The following LUZP2 variants were observed in gnomAD, a reference collection of about 807,000 sequenced individuals.
The protein encoded by LUZP2 is leucine zipper protein 2.
LUZP2 carries 52 observed loss-of-function variants against 51.6 expected under a neutral mutation model. The ratio of observed to expected loss-of-function variants is 1.01; its 90% CI spans 0.81 to 1.27. LUZP2 has a LOEUF of 1.27. LUZP2 is among the 50% of genes most tolerant of loss of function. LUZP2 has a pLI of 0.00. For missense variants in LUZP2, 436 were observed against 395.4 expected (o/e 1.10, Z -0.87); for synonymous variants, 154 against 137.3 (o/e 1.12, Z -0.85).
chr11:24,695,879 T>C (rs1270947987), intron 1 of LUZP2, among the ~76,000 whole-genome samples: 1 of 151,252 alleles, frequency 6.6e-6, no homozygotes, highest in Non-Finnish European at 1.5e-5. Flanking sequence ...AATATGCATA[T>C]ACTTTTCTAA....
intron 9 of LUZP2, among the ~76,000 whole-genome samples, chr11:25,011,382 T>G (rs770399490): frequency 3.3e-5 from 5 of 152,142 alleles, no homozygotes; most frequent in Admixed American, 6.6e-5. Flanking sequence ...CAAGAACATT[T>G]TTATGCTCTT....
chr11:25,079,652 G>A lies in LUZP2; in HGVS notation c.*994G>A, dbSNP rs907295272. The A allele has an allele frequency of 4.6e-5, 7 of 152,126 alleles. No individual in the cohort carries two copies. The highest frequency in any genetic ancestry group is 8.8e-5 in the Non-Finnish European group (6 of 67,976). The allele number at this position is 152,126 out of a possible 1,614,324, so 9.4% of individuals were successfully genotyped here. ...TCACTAATCAAAAAAATGCACTCAT[G>A]AATAATTGGAAGATAGCTCACAAGC... On this transcript the variant is annotated 3_prime_UTR_variant, in exon 12 of 12. Coordinates refer to ENST00000336930, the MANE Select transcript of LUZP2 (RefSeq NM_001009909.4).
At chr11:24,838,265 T>C (rs1385071458) in intron 5 of LUZP2, among the ~76,000 whole-genome samples, 2 of 151,706 alleles carry the variant, frequency 1.3e-5, no homozygotes, top group Non-Finnish European at 3.0e-5. Context: ...CAATAATTTA[T>C]GTTTTATGGC....
intron 7 of LUZP2, among the ~76,000 whole-genome samples, chr11:24,960,871 C>T (rs1855373747): frequency 6.6e-6 from 1 of 151,978 alleles, no homozygotes. Flanking sequence ...CCTGCTTTCT[C>T]TTGTGGGCAT....
chr11:24,729,668 C>T (rs1383639263), intron 2 of LUZP2, among the ~76,000 whole-genome samples: 1 of 151,856 alleles, frequency 6.6e-6, no homozygotes, highest in Non-Finnish European at 1.5e-5. Flanking sequence ...CTTTAATAAA[C>T]CACATTACTG....
At chr11:24,715,546 A>G (rs1858010728) in intron 1 of LUZP2, among the ~76,000 whole-genome samples, 1 of 152,026 alleles carries the variant, frequency 6.6e-6, no homozygotes, top group Non-Finnish European at 1.5e-5. Context: ...TCACATCTAC[A>G]TTGTCATTAC....
At chr11:24,588,563 A>C (rs1853149927) in intron 1 of LUZP2, among the ~76,000 whole-genome samples, 1 of 152,126 alleles carries the variant, frequency 6.6e-6, no homozygotes, top group Non-Finnish European at 1.5e-5. Context: ...CATCAGGGAA[A>C]TAATTCAGCC....
At chr11:24,899,485 A>T (rs577571179) in intron 5 of LUZP2, among the ~76,000 whole-genome samples, 30 of 152,228 alleles carry the variant, frequency 2.0e-4, no homozygotes, top group African/African-American at 7.0e-4. Flanking sequence ...TTACATGTAA[A>T]TACTTTAATT....
chr11:24,788,714 T>C (rs1293885053), intron 5 of LUZP2, among the ~76,000 whole-genome samples: 1 of 152,144 alleles, frequency 6.6e-6, no homozygotes, highest in Non-Finnish European at 1.5e-5. Context: ...GCCAATTCCA[T>C]AATCTATATG....
At chr11:25,033,304 G>GCATA (rs1276933003) in intron 9 of LUZP2, among the ~76,000 whole-genome samples, 1 of 152,192 alleles carries the variant, frequency 6.6e-6, no homozygotes, top group Non-Finnish European at 1.5e-5. Context: ...TCGCAGTCCA[G>GCATA]CTAGGTGCCC....
At chr11:25,037,339 G>A (rs1332443522) in intron 9 of LUZP2, among the ~76,000 whole-genome samples, 1 of 152,112 alleles carries the variant, frequency 6.6e-6, no homozygotes, top group African/African-American at 2.4e-5. Flanking sequence ...TTTTGAGCTT[G>A]TGAGTGTTGT....
intron 1 of LUZP2, among the ~76,000 whole-genome samples, chr11:24,508,494 T>A (rs1276122256): frequency 6.6e-6 from 1 of 152,134 alleles, no homozygotes; most frequent in Non-Finnish European, 1.5e-5. Flanking sequence ...AATATCTTTA[T>A]GTGTGGAGGC....
At chr11:24,897,463 C>T (rs553908770) in intron 5 of LUZP2, among the ~76,000 whole-genome samples, 4 of 152,116 alleles carry the variant, frequency 2.6e-5, no homozygotes, top group Non-Finnish European at 4.4e-5. Context: ...AACCATGAAC[C>T]CACCGGGAGG....
chr11:24,528,155 A>G (rs1179445045), intron 1 of LUZP2, among the ~76,000 whole-genome samples: 1 of 151,330 alleles, frequency 6.6e-6, no homozygotes, highest in African/African-American at 2.4e-5. Flanking sequence ...AAGGAAGTAA[A>G]TAATTCTTTA....
intron 6 of LUZP2, among the ~76,000 whole-genome samples, chr11:24,910,964 A>G (rs1406217383): frequency 1.3e-5 from 2 of 152,190 alleles, no homozygotes; most frequent in African/African-American, 4.8e-5. Context: ...GCAGCTGCAC[A>G]AGGCTATGCG....
At chr11:24,513,411 A>C (rs1448212043) in intron 1 of LUZP2, among the ~76,000 whole-genome samples, 1 of 145,680 alleles carries the variant, frequency 6.9e-6, no homozygotes, top group Non-Finnish European at 1.5e-5. Context: ...TACAATCAGC[A>C]TCAAGAGAAC....
At chr11:24,625,926 G>A (rs1854664709) in intron 1 of LUZP2, among the ~76,000 whole-genome samples, 1 of 152,078 alleles carries the variant, frequency 6.6e-6, no homozygotes, top group Non-Finnish European at 1.5e-5. Context: ...AAAAATCAAT[G>A]TTTCTAGTCC....
At chr11:24,646,598 T>G in intron 1 of LUZP2, 1 of 985,096 alleles carries the variant, frequency 1.0e-6, no homozygotes, top group African/African-American at 1.7e-5. Flanking sequence ...GAAGAAAGAC[T>G]GGTTGAGTTT....
At chr11:24,811,069 C>T (rs1850005204) in intron 5 of LUZP2, among the ~76,000 whole-genome samples, 1 of 152,144 alleles carries the variant, frequency 6.6e-6, no homozygotes, top group South Asian at 2.1e-4. Context: ...GTTTGTCCAC[C>T]TGTGTTCCAG....
Sources: allele counts gnomAD v4.1 joint callset (sites outside exome capture counted in the v4.1 genomes callset), GRCh38; gene constraint gnomAD v4.1.1; transcripts MANE v1.5; gene names NCBI Gene and HGNC (gene_info 2026-07-23, HGNC 2026-07-21).